The following CALN1 variants were observed in gnomAD, a reference collection of about 807,000 sequenced individuals.
The protein encoded by CALN1 is calneuron 1, also known as calcium-binding protein 8.
CALN1 carries 17 observed loss-of-function variants against 30.6 expected under a neutral mutation model. The ratio of observed to expected loss-of-function variants is 0.56; its 90% confidence interval spans 0.38 to 0.83. The LOEUF (loss-of-function observed/expected upper bound fraction) is 0.83. CALN1 is among the 40% of genes least tolerant of loss of function. The pLI is 0.00. For synonymous variants in CALN1, 156 were observed against 131.4 expected, an observed-to-expected ratio of 1.19 and a Z score of -1.28; for missense variants, 291 against 354.9, an observed-to-expected ratio of 0.82 and a Z score of 1.45.
At chr7:72,497,683 A>C in the CALN1 span, among the ~76,000 whole-genome samples, 1 of 152,206 alleles carries the variant, frequency 6.6e-6, no homozygotes, top group Non-Finnish European at 1.5e-5. Context: ...ATCTGCTAGA[A>C]CAGAATTTAA....
intron 6 of CALN1, among the ~76,000 whole-genome samples, chr7:71,794,357 G>T (rs572503552): frequency 5.3e-5 from 8 of 152,168 alleles, no homozygotes; most frequent in African/African-American, 1.9e-4. Flanking sequence ...ATTATTGAAG[G>T]TTATCATACA....
At chr7:72,340,787 G>T (rs966445035) in intron 2 of CALN1, among the ~76,000 whole-genome samples, 1 of 152,162 alleles carries the variant, frequency 6.6e-6, no homozygotes, top group Non-Finnish European at 1.5e-5. Flanking sequence ...TTGAACCATG[G>T]GGGCGGTTTC....
chr7:71,921,526 G>A (rs1794944578), intron 5 of CALN1, among the ~76,000 whole-genome samples: 1 of 151,828 alleles, frequency 6.6e-6, no homozygotes, highest in African/African-American at 2.4e-5. Context: ...AGAAGAGAAA[G>A]AAGAAGACAA....
chr7:72,276,908 T>C (rs1301796804), intron 3 of CALN1, among the ~76,000 whole-genome samples: 1 of 152,190 alleles, frequency 6.6e-6, no homozygotes, highest in Non-Finnish European at 1.5e-5. Flanking sequence ...CAAAAGAACT[T>C]ATTCACTCTC....
chr7:71,790,343 AAAGAAAAG>A (rs1365905886), intron 6 of CALN1, among the ~76,000 whole-genome samples: 8 of 118,482 alleles, frequency 6.8e-5, no homozygotes, highest in African/African-American at 2.5e-4. Flanking sequence ...AGAAAGAAAG[AAAGAAAAG>A]AAAGAAAGAA....
chr7:71,795,400 A>G (rs536940574), intron 6 of CALN1, among the ~76,000 whole-genome samples: 42 of 152,254 alleles, frequency 2.8e-4, no homozygotes, highest in African/African-American at 9.9e-4. Flanking sequence ...CCTGCTCTAT[A>G]AAAGGGCCTG....
chr7:72,234,877 G>A (rs1343858451), intron 3 of CALN1, among the ~76,000 whole-genome samples: 1 of 152,166 alleles, frequency 6.6e-6, no homozygotes, highest in Non-Finnish European at 1.5e-5. Flanking sequence ...GGAAAGCAAT[G>A]GAAGAGAAGC....
intron 5 of CALN1, among the ~76,000 whole-genome samples, chr7:72,022,631 C>T (rs567627634): frequency 4.6e-5 from 7 of 152,270 alleles, no homozygotes; most frequent in East Asian, 1.9e-4. Context: ...TGGCCTCAAG[C>T]GATCCTCCTG....
At chr7:72,351,718 C>A (rs1346238814) in intron 2 of CALN1, among the ~76,000 whole-genome samples, 1 of 151,738 alleles carries the variant, frequency 6.6e-6, no homozygotes, top group Non-Finnish European at 1.5e-5. Context: ...AGAATAAATA[C>A]AATATTTGAA....
intron 3 of CALN1, among the ~76,000 whole-genome samples, chr7:72,272,858 G>A (rs374201808): frequency 5.3e-5 from 8 of 152,070 alleles, no homozygotes; most frequent in African/African-American, 7.2e-5. Flanking sequence ...CAACTTAACC[G>A]CAGCCATGGG....
intron 5 of CALN1, among the ~76,000 whole-genome samples, chr7:71,987,101 C>T (rs1798712956): frequency 1.3e-5 from 2 of 150,772 alleles, no homozygotes; most frequent in Non-Finnish European, 2.9e-5. Context: ...ACTCCAGCCT[C>T]GGTGACAGAG....
chr7:71,899,171 G>GTTTC (rs1371695612), intron 5 of CALN1, among the ~76,000 whole-genome samples: 2 of 143,498 alleles, frequency 1.4e-5, no homozygotes, highest in Non-Finnish European at 3.0e-5. Context: ...TTGAGACGGA[G>GTTTC]TTTCACTCGT....
At chr7:71,943,421 C>T (rs776277863) in intron 5 of CALN1, among the ~76,000 whole-genome samples, 1 of 152,074 alleles carries the variant, frequency 6.6e-6, no homozygotes, top group Non-Finnish European at 1.5e-5. Flanking sequence ...GTTTCCTCTT[C>T]TGTTAAATGG....
At chr7:72,067,703 A>G (rs943938012) in intron 4 of CALN1, among the ~76,000 whole-genome samples, 1 of 152,226 alleles carries the variant, frequency 6.6e-6, no homozygotes, top group African/African-American at 2.4e-5. Flanking sequence ...GCTAAGGAGG[A>G]GTCCAGTGAG....
chr7:72,400,944 TCTG>T (rs1242228426), intron 2 of CALN1, among the ~76,000 whole-genome samples: 1 of 152,190 alleles, frequency 6.6e-6, no homozygotes, highest in Non-Finnish European at 1.5e-5. Flanking sequence ...GAGACTCCTC[TCTG>T]CTTTCTAACT....
At chr7:72,048,038 CTTCTTT>C (rs1238490082) in intron 4 of CALN1, among the ~76,000 whole-genome samples, 2 of 137,326 alleles carry the variant, frequency 1.5e-5, no homozygotes, top group Non-Finnish European at 3.1e-5. Context: ...TCTTCTTCTT[CTTCTTT>C]TTTTTTTTTT....
chr7:72,108,227 G>A (rs977622939), intron 3 of CALN1, among the ~76,000 whole-genome samples: 1 of 152,114 alleles, frequency 6.6e-6, no homozygotes, highest in African/African-American at 2.4e-5. Context: ...TTCTCCCTCT[G>A]TCCTGCTCTT....
At chr7:72,317,358 T>TG (rs1800558461) in intron 2 of CALN1, among the ~76,000 whole-genome samples, 1 of 152,188 alleles carries the variant, frequency 6.6e-6, no homozygotes, top group South Asian at 2.1e-4. Context: ...AGTTTTCTCC[T>TG]GGGGAAATCC....
intron 5 of CALN1, among the ~76,000 whole-genome samples, chr7:71,977,798 G>T (rs1347631150): frequency 2.0e-5 from 3 of 151,932 alleles, no homozygotes; most frequent in African/African-American, 7.2e-5. Flanking sequence ...CGTGCATGGT[G>T]GCGGGCGACT....
Sources: gnomAD v4.1 joint callset for allele counts (sites outside exome capture counted in the v4.1 genomes callset) on GRCh38, gnomAD v4.1.1 for gene constraint, MANE v1.5 for transcripts, NCBI Gene and HGNC (gene_info 2026-07-23, HGNC 2026-07-21) for gene names.